Variants in OXR1 observed in about 807,000 individuals in gnomAD.
OXR1 encodes the protein oxidation resistance 1.
A neutral mutation model predicts 104.6 loss-of-function variants in OXR1; 41 were observed. The observed-to-expected ratio is 0.39, with a 90% confidence interval of 0.31 to 0.51. OXR1 has a LOEUF of 0.51. Ranked by LOEUF, OXR1 falls within the 20% of genes least tolerant of loss-of-function variation. OXR1 has a pLI of 0.77. For missense variants in OXR1, 955 were observed against 1,031.9 expected (o/e 0.93, Z 1.02); for synonymous variants, 348 against 348.4 (o/e 1.00, Z 0.01).
intron 3 of OXR1, among the ~76,000 whole-genome samples, chr8:106,656,845 GTGTGTGT>G (rs1411565414): frequency 6.6e-6 from 1 of 151,618 alleles, no homozygotes; most frequent in African/African-American, 2.4e-5. Context: ...AAAAAAGAGG[GTGTGTGT>G]TTGTCAGGAG....
chr8:106,321,666 G>T (rs943487920), intron 1 of OXR1, among the ~76,000 whole-genome samples: 3 of 152,144 alleles, frequency 2.0e-5, no homozygotes, highest in Non-Finnish European at 4.4e-5. Flanking sequence ...CCAACTAAAG[G>T]CACAGCCTCC....
At chr8:106,354,376 C>T (rs1815870366) in intron 1 of OXR1, among the ~76,000 whole-genome samples, 1 of 152,162 alleles carries the variant, frequency 6.6e-6, no homozygotes, top group African/African-American at 2.4e-5. Context: ...ATACCTCATG[C>T]ATTTTATTCT....
At chr8:106,458,165 C>A (rs1377612877) in intron 2 of OXR1, among the ~76,000 whole-genome samples, 1 of 152,132 alleles carries the variant, frequency 6.6e-6, no homozygotes, top group African/African-American at 2.4e-5. Context: ...GAGTGAATGA[C>A]CCCAAAGGCA....
At chr8:106,448,785 C>T (rs995314700) in intron 2 of OXR1, among the ~76,000 whole-genome samples, 3 of 152,134 alleles carry the variant, frequency 2.0e-5, no homozygotes, top group Admixed American at 1.3e-4. Context: ...AAATCTACCA[C>T]CCCCAGAAGC....
intron 3 of OXR1, among the ~76,000 whole-genome samples, chr8:106,648,807 A>G (rs921481535): frequency 6.6e-6 from 1 of 152,248 alleles, no homozygotes; most frequent in Non-Finnish European, 1.5e-5. Flanking sequence ...TCAACAGATA[A>G]TAATAAATTG....
chr8:106,328,133 CCT>C (rs1348619388), intron 1 of OXR1, among the ~76,000 whole-genome samples: 1 of 152,136 alleles, frequency 6.6e-6, no homozygotes, highest in Non-Finnish European at 1.5e-5. Context: ...CAAATTGGCC[CCT>C]GTCAGTCTCA....
chr8:106,394,453 TCATTAA>T (rs1171993230), intron 2 of OXR1, among the ~76,000 whole-genome samples: 2 of 152,044 alleles, frequency 1.3e-5, no homozygotes, highest in Non-Finnish European at 2.9e-5. Context: ...ATAATCATTA[TCATTAA>T]AAACTATAAA....
chr8:106,502,423 A>C (rs1337196493), intron 2 of OXR1, among the ~76,000 whole-genome samples: 1 of 152,240 alleles, frequency 6.6e-6, no homozygotes, highest in Non-Finnish European at 1.5e-5. Context: ...TCAGAAAAGC[A>C]AATTCATCAA....
chr8:106,291,283 T>C (rs948260228), intron 1 of OXR1, among the ~76,000 whole-genome samples: 38 of 152,024 alleles, frequency 2.5e-4, no homozygotes, highest in African/African-American at 7.7e-4. Flanking sequence ...TGTAGACTAC[T>C]AGAGGGGGAA....
intron 3 of OXR1, among the ~76,000 whole-genome samples, chr8:106,598,088 A>G (rs190160218): frequency 2.0e-5 from 3 of 152,262 alleles, no homozygotes; most frequent in Admixed American, 2.0e-4. Context: ...CCTCCTGGCC[A>G]CTATAGTTTC....
chr8:106,530,251 A>T (rs1670399), intron 3 of OXR1, among the ~76,000 whole-genome samples: 11,654 of 151,904 alleles, frequency 0.077, 499 homozygotes, highest in African/African-American at 0.094. Flanking sequence ...GATTTTTTTT[A>T]ATTTGCTTTT....
chr8:106,459,439 T>A (rs1467359963), intron 2 of OXR1, among the ~76,000 whole-genome samples: 1 of 152,112 alleles, frequency 6.6e-6, no homozygotes, highest in African/African-American at 2.4e-5. Flanking sequence ...ATAAATTTAT[T>A]TTTTTATTAA....
intron 3 of OXR1, among the ~76,000 whole-genome samples, chr8:106,571,777 G>A (rs7835135): frequency 0.5 from 76,291 of 151,902 alleles, 19,377 homozygotes; most frequent in African/African-American, 0.54. Context: ...GACAAGTTAT[G>A]CACTTCTAAA....
At chr8:106,731,248 C>T (rs1484529228) in intron 11 of OXR1, among the ~76,000 whole-genome samples, 1 of 152,104 alleles carries the variant, frequency 6.6e-6, no homozygotes, top group Non-Finnish European at 1.5e-5. Context: ...TTTACATAAA[C>T]ATAGAGATAG....
chr8:106,308,891 C>T (rs535609375), intron 1 of OXR1, among the ~76,000 whole-genome samples: 1 of 152,274 alleles, frequency 6.6e-6, no homozygotes, highest in Admixed American at 6.5e-5. Context: ...ATAAATAGTT[C>T]TCAGCTTGAC....
At chr8:106,538,160 G>A (rs1196999872) in intron 3 of OXR1, among the ~76,000 whole-genome samples, 3 of 152,114 alleles carry the variant, frequency 2.0e-5, no homozygotes, top group East Asian at 1.9e-4. Flanking sequence ...ATTCTCCTGG[G>A]ATTCTAAATC....
At chr8:106,608,539 T>C (rs551248124) in intron 3 of OXR1, among the ~76,000 whole-genome samples, 48 of 152,234 alleles carry the variant, frequency 3.2e-4, no homozygotes, top group Non-Finnish European at 5.3e-4. Context: ...TTAATCCAGG[T>C]ACATTTCTCA....
At chr8:106,579,397 G>T (rs886997776) in intron 3 of OXR1, among the ~76,000 whole-genome samples, 153 of 152,106 alleles carry the variant, frequency 1.0e-3, no homozygotes, top group African/African-American at 3.6e-3. Context: ...TGCTTTCCAG[G>T]CCTGCTGAAA....
At chr8:106,692,222 C>T (rs1311723408) in intron 6 of OXR1, among the ~76,000 whole-genome samples, 2 of 151,948 alleles carry the variant, frequency 1.3e-5, no homozygotes, top group Non-Finnish European at 2.9e-5. Context: ...TGGGATTTAT[C>T]AACTGTAGCT....
Sources: allele counts gnomAD v4.1 joint callset (sites outside exome capture counted in the v4.1 genomes callset), GRCh38; gene constraint gnomAD v4.1.1; transcripts MANE v1.5; gene names NCBI Gene and HGNC (gene_info 2026-07-23, HGNC 2026-07-21).